The following PLOD2 variants were observed in gnomAD, a reference collection of about 807,000 sequenced individuals.
PLOD2 encodes the protein lysine hydroxylase 2.
A neutral mutation model predicts 101.0 loss-of-function variants in PLOD2; 65 were observed. The observed-to-expected ratio is 0.64, with a 90% CI of 0.53 to 0.79. PLOD2 has a LOEUF of 0.79. Among genes scored for constraint, PLOD2 ranks in the 30% least tolerant of loss-of-function variants. The pLI is 0.00. For missense variants in PLOD2, 909 were observed against 914.6 expected (o/e 0.99, Z 0.08); for synonymous variants, 314 against 302.9 (o/e 1.04, Z -0.38).
intron 3 of PLOD2, among the ~76,000 whole-genome samples, chr3:146,116,139 T>A (rs1401043982): frequency 6.6e-6 from 1 of 152,092 alleles, no homozygotes; most frequent in Non-Finnish European, 1.5e-5. Context: ...TTTCATCATA[T>A]CTTCACCTGA....
chr3:146,070,800 G>A lies in PLOD2; in HGVS notation c.2194C>T (p.Pro732Ser). The A allele has an allele frequency of 2.5e-6, 4 of 1,608,732 alleles. No individual in the cohort carries two copies. Among genetic ancestry groups the A allele is most frequent in the South Asian group, 1.1e-5 (1 of 90,964 alleles). ...TCATGCAAATGTGTGAGTCTCCCAG[G>A]ATGCATGAAGCTCCAGCCTTTTCGT... ...SPRKGWSFMH[P>S]GRLTHLHEGL... The change falls in exon 20 of 20, where the codon CCT becomes TCT. Residue 732 changes from proline (P) to serine (S), a missense_variant. Transcript: ENST00000282903.
chr3:146,121,386 GA>G, intron 2 of PLOD2, 138 bp from the exon 3 acceptor site: 25 of 737,928 alleles, frequency 3.4e-5, no homozygotes, highest in Non-Finnish European at 4.9e-5. Flanking sequence ...CATGATTCTA[GA>G]AAAAAAAATC....
Position 146,072,590 on chromosome 3 carries a change from A to G in PLOD2, c.1819T>C (p.Tyr607His). ...CDELVEEMEH[Y>H]GKWSGGKHHD... ...TGTTTTCCCCCAGACCATTTGCCGTAATGTTCCATTTCTTCTACCAATTCA... is the reference window on the plus strand; with the variant it reads ...TGTTTTCCCCCAGACCATTTGCCGTGATGTTCCATTTCTTCTACCAATTCA... Residue 607 changes from tyrosine (Y) to histidine (H), a missense_variant, in exon 17 of 20, where the codon TAC (tyrosine) becomes CAC (histidine). Coordinates refer to ENST00000282903, the MANE Select transcript of PLOD2 (RefSeq NM_182943.3). 1 of 1,609,652 alleles carries G rather than the reference A, an allele frequency of 6.2e-7. No homozygotes were observed. The highest frequency in any genetic ancestry group is 8.5e-7 in the Non-Finnish European group (1 of 1,176,616).
intron 1 of PLOD2, among the ~76,000 whole-genome samples, chr3:146,137,682 T>G (rs2031312345): frequency 6.6e-6 from 1 of 152,176 alleles, no homozygotes; most frequent in African/African-American, 2.4e-5. Context: ...AAGAGATTGT[T>G]GGGTCACACC....
chr3:146,152,058 CA>C (rs1289168012), intron 1 of PLOD2, among the ~76,000 whole-genome samples: 1 of 152,112 alleles, frequency 6.6e-6, no homozygotes, highest in Non-Finnish European at 1.5e-5. Flanking sequence ...TAAAAGCATA[CA>C]CAAACTGCTA....
intron 1 of PLOD2, among the ~76,000 whole-genome samples, chr3:146,144,538 TC>T (rs1306219354): frequency 6.6e-6 from 1 of 152,126 alleles, no homozygotes; most frequent in Non-Finnish European, 1.5e-5. Flanking sequence ...CATGAACTTT[TC>T]CTATAAAAAT....
chr3:146,135,272 G>A (rs1290557422), intron 1 of PLOD2, among the ~76,000 whole-genome samples: 1 of 152,088 alleles, frequency 6.6e-6, no homozygotes, highest in Non-Finnish European at 1.5e-5. Context: ...TCTACGAGTT[G>A]AAGTTGCTAT....
intron 7 of PLOD2, among the ~76,000 whole-genome samples, chr3:146,102,432 A>T (rs536026699): frequency 6.6e-6 from 1 of 152,288 alleles, no homozygotes; most frequent in East Asian, 1.9e-4. Flanking sequence ...ATGATCTCTT[A>T]ATGTCCTGAG....
At position 146,110,413 on chromosome 3, in the gene PLOD2, A is replaced by G. The variant is rs374490915; in HGVS notation, c.374T>C (p.Val125Ala). ...GTTTGCCTTTTGGAATTTTTTTAGA[A>G]CTTCTTCTGGACCACCAGCAAATAT... ...DVIFAGGPEE[V>A]LKKFQKANHK... is the part of the protein sequence containing the mutation. Residue 125 changes from valine (V) to alanine (A), a missense_variant, in exon 4 of 20, where the codon GTT becomes GCT. Transcript: ENST00000282903. 3.7e-6 allele frequency: 6 copies of G among 1,613,588 alleles called. No homozygotes were observed. Among genetic ancestry groups the G allele is most frequent in the East Asian group, 2.2e-5 (1 of 44,830 alleles).
chr3:146,122,840 C>T (rs994326116), intron 2 of PLOD2, among the ~76,000 whole-genome samples: 1 of 152,102 alleles, frequency 6.6e-6, no homozygotes, highest in Non-Finnish European at 1.5e-5. Flanking sequence ...TATAAAGTTC[C>T]TTACAAGGTG....
chr3:146,122,694 A>C (rs138998759), intron 2 of PLOD2, among the ~76,000 whole-genome samples: 1 of 152,274 alleles, frequency 6.6e-6, no homozygotes, highest in East Asian at 1.9e-4. Context: ...AACTCCAGTA[A>C]GTTAAGTGGG....
At chr3:146,088,892 C>G (rs758555936) in intron 8 of PLOD2, 181 bp from the exon 9 acceptor site, 93 of 576,114 alleles carry the variant, frequency 1.6e-4, no homozygotes, top group Non-Finnish European at 2.7e-4. Context: ...TGTGGCCCCC[C>G]CAATCAAAGT....
At chr3:146,137,152 T>C (rs1226110936) in intron 1 of PLOD2, among the ~76,000 whole-genome samples, 1 of 152,174 alleles carries the variant, frequency 6.6e-6, no homozygotes, top group Non-Finnish European at 1.5e-5. Flanking sequence ...AAAGATGGAA[T>C]TGACTAAAAG....
chr3:146,097,058 G>A (rs1201791495), intron 7 of PLOD2, among the ~76,000 whole-genome samples: 1 of 147,858 alleles, frequency 6.8e-6, no homozygotes, highest in South Asian at 2.1e-4. Flanking sequence ...GGGCTCCTCT[G>A]CCCGGCCGCC....
intron 17 of PLOD2, among the ~76,000 whole-genome samples, chr3:146,071,859 TG>T (rs1279053970): frequency 6.6e-6 from 1 of 151,702 alleles, no homozygotes; most frequent in Non-Finnish European, 1.5e-5. Context: ...CACTTCTATT[TG>T]TAACACTCAA....
intron 1 of PLOD2, among the ~76,000 whole-genome samples, chr3:146,140,017 T>C (rs71300381): frequency 0.037 from 5,613 of 152,178 alleles, 170 homozygotes; most frequent in Non-Finnish European, 0.049. Flanking sequence ...AGGCATTAAT[T>C]AGTCATAAGC....
intron 14 of PLOD2, chr3:146,077,151 C>T: frequency 1.8e-6 from 2 of 1,110,932 alleles, no homozygotes; most frequent in Non-Finnish European, 2.2e-6. Flanking sequence ...GTTTTTGTCC[C>T]TTTCTCATTG....
intron 6 of PLOD2, among the ~76,000 whole-genome samples, chr3:146,103,862 C>T (rs1298306199): frequency 6.6e-5 from 10 of 150,568 alleles, no homozygotes; most frequent in Non-Finnish European, 1.2e-4. Flanking sequence ...CACACACACA[C>T]ACACACTCTT....
intron 1 of PLOD2, among the ~76,000 whole-genome samples, chr3:146,130,979 G>A (rs2030876116): frequency 1.3e-5 from 2 of 152,138 alleles, no homozygotes; most frequent in African/African-American, 2.4e-5. Context: ...GCTCACTGTG[G>A]CTAAATTATA....
Sources: allele counts gnomAD v4.1 joint callset (sites outside exome capture counted in the v4.1 genomes callset), GRCh38; gene constraint gnomAD v4.1.1; transcripts MANE v1.5; gene names NCBI Gene and HGNC (gene_info 2026-07-23, HGNC 2026-07-21).